The following SHISAL1 variants were observed in gnomAD, a reference collection of about 807,000 sequenced individuals.
The protein encoded by SHISAL1 is shisa like 1.
SHISAL1 carries 9 observed loss-of-function variants against 22.6 expected under a neutral mutation model. That is an observed-to-expected ratio of 0.40 (90% confidence interval 0.24 to 0.70). The LOEUF (loss-of-function observed/expected upper bound fraction) is 0.70. Among genes scored for constraint, SHISAL1 ranks in the 30% least tolerant of loss-of-function variants. The probability of loss-of-function intolerance (pLI) is 0.39; values close to 1 mark genes in which losing one functional copy is unlikely to be tolerated. For missense variants in SHISAL1, 246 were observed against 270.6 expected (o/e 0.91, Z 0.64); for synonymous variants, 119 against 115.4 (o/e 1.03, Z -0.20).
At chr22:44,263,797 G>A (rs1343485193) in intron 4 of SHISAL1, among the ~76,000 whole-genome samples, 6 of 152,204 alleles carry the variant, frequency 3.9e-5, no homozygotes, top group Non-Finnish European at 8.8e-5. Flanking sequence ...GCAGGGCCCC[G>A]TGCTGCTGAT....
At chr22:44,249,875 A>G (rs570386307) in intron 4 of SHISAL1, among the ~76,000 whole-genome samples, 190 bp from the exon 5 acceptor site, 1 of 152,328 alleles carries the variant, frequency 6.6e-6, no homozygotes, top group Admixed American at 6.5e-5. Flanking sequence ...ATAGCTCCAT[A>G]TAGTACTAGA....
At chr22:44,281,274 G>A (rs1468474757) in intron 4 of SHISAL1, among the ~76,000 whole-genome samples, 3 of 152,152 alleles carry the variant, frequency 2.0e-5, no homozygotes, top group African/African-American at 4.8e-5. Context: ...GCCCTGAGTC[G>A]GGCTGAGGTT....
chr22:44,278,005 G>C (rs1424974651), intron 4 of SHISAL1, among the ~76,000 whole-genome samples: 1 of 152,184 alleles, frequency 6.6e-6, no homozygotes, highest in South Asian at 2.1e-4. Context: ...GGTTAATACT[G>C]AGTGTCAACT....
At chr22:44,251,463 A>T (rs988392171) in intron 4 of SHISAL1, among the ~76,000 whole-genome samples, 3 of 152,206 alleles carry the variant, frequency 2.0e-5, no homozygotes, top group Admixed American at 6.5e-5. Context: ...ATTTTTTAAA[A>T]GTTCTGTGGA....
At chr22:44,281,446 G>A (rs1349075612) in intron 4 of SHISAL1, among the ~76,000 whole-genome samples, 1 of 151,982 alleles carries the variant, frequency 6.6e-6, no homozygotes, top group Non-Finnish European at 1.5e-5. Flanking sequence ...ATGTGTGTGT[G>A]TTTGTGTCTG....
In SHISAL1 at chr22:44,298,988, C is replaced by T. The variant is rs1569223408; in HGVS notation, c.67+1891G>A. 2.0e-5 allele frequency among the ~76,000 whole-genome samples: 3 copies of T among 152,336 alleles called. 1 individual carries two copies. In the Middle Eastern group the frequency reaches 0.01, roughly 518 times the overall value. On this transcript the variant is annotated intron_variant, in intron 2 of 4. Coordinates refer to ENST00000381176, the MANE Select transcript of SHISAL1 (RefSeq NM_001099294.2). ...CCTGGCATGAGGCTGCCTGGGCCAT[C>T]GTGACCTCTCTGGCCTCCTCCCCTC...
At chr22:44,305,908 C>T (rs1383206314) in intron 1 of SHISAL1, among the ~76,000 whole-genome samples, 1 of 152,180 alleles carries the variant, frequency 6.6e-6, no homozygotes, top group Non-Finnish European at 1.5e-5. Flanking sequence ...AGGGGCTGCC[C>T]TTACTCCCCA....
the SHISAL1 span, among the ~76,000 whole-genome samples, chr22:44,327,240 G>GCGCACACACACA: frequency 1.4e-5 from 2 of 144,922 alleles, no homozygotes; most frequent in African/African-American, 5.2e-5. Context: ...TGGGGGGCGC[G>GCGCACACACACA]CACACACACA....
At chr22:44,267,899 A>C (rs1245912151) in intron 4 of SHISAL1, among the ~76,000 whole-genome samples, 2 of 152,218 alleles carry the variant, frequency 1.3e-5, no homozygotes, top group African/African-American at 4.8e-5. Context: ...AAGGCTGTGG[A>C]TGCCCAGCTG....
intron 4 of SHISAL1, among the ~76,000 whole-genome samples, chr22:44,274,335 C>T (rs973734451): frequency 6.6e-6 from 1 of 152,106 alleles, no homozygotes; most frequent in African/African-American, 2.4e-5. Context: ...TGCCTCACTG[C>T]ACCAGCCCTT....
intron 4 of SHISAL1, among the ~76,000 whole-genome samples, chr22:44,276,344 A>T (rs1357808975): frequency 6.6e-6 from 1 of 152,092 alleles, no homozygotes; most frequent in Non-Finnish European, 1.5e-5. Context: ...GGACAGAGGG[A>T]CAGTGGGGTG....
At chr22:44,283,029 C>G (rs980381699) in intron 4 of SHISAL1, among the ~76,000 whole-genome samples, 5 of 152,192 alleles carry the variant, frequency 3.3e-5, no homozygotes, top group Non-Finnish European at 7.3e-5. Flanking sequence ...CCTCCCTGAT[C>G]TCCAAATGAA....
chr22:44,324,013 T>G, the SHISAL1 span, among the ~76,000 whole-genome samples: 5 of 152,200 alleles, frequency 3.3e-5, no homozygotes, highest in Admixed American at 3.3e-4. Context: ...GGTGCTGTAA[T>G]TTGTCCAAGG....
At chr22:44,268,818 C>G (rs190673943) in intron 4 of SHISAL1, among the ~76,000 whole-genome samples, 1 of 152,138 alleles carries the variant, frequency 6.6e-6, no homozygotes, top group Non-Finnish European at 1.5e-5. Flanking sequence ...GACTGATCCA[C>G]TCTGTATCCC....
intron 2 of SHISAL1, among the ~76,000 whole-genome samples, chr22:44,299,605 C>A (rs2055411651): frequency 6.6e-6 from 1 of 152,156 alleles, no homozygotes; most frequent in African/African-American, 2.4e-5. Flanking sequence ...CATAGCCTCC[C>A]TCTGAGCTGC....
chr22:44,245,086 CCTCT>C lies in SHISAL1; in HGVS notation c.*4595_*4598del, dbSNP rs946012702. On this transcript the variant is annotated 3_prime_UTR_variant, in exon 5 of 5. Coordinates refer to ENST00000381176, the MANE Select transcript of SHISAL1 (RefSeq NM_001099294.2). ...TGATCAGGGCGTCATCCACTCATGG[CCTCT>C]CTGACTGTCCCAGTGCTGTGGGGGC... is the stretch of plus-strand genomic sequence containing the variant. 5 of 152,382 alleles carry C rather than the reference CCTCT, an allele frequency of 3.3e-5. No homozygotes were observed. Among genetic ancestry groups the C allele is most frequent in the African/African-American group, 7.2e-5 (3 of 41,574 alleles). The allele number at this position is 152,382 out of a possible 1,614,324, so 9.4% of individuals were successfully genotyped here.
At chr22:44,312,273 T>C (rs116569972) in intron 1 of SHISAL1, among the ~76,000 whole-genome samples, 1,834 of 152,298 alleles carry the variant, frequency 0.012, 46 homozygotes, top group African/African-American at 0.041. Flanking sequence ...GACTGCAGAC[T>C]CTGAAGTGGG....
intron 1 of SHISAL1, among the ~76,000 whole-genome samples, chr22:44,304,284 G>GAGC (rs34495361): frequency 9.2e-4 from 1 of 1,086 alleles, no homozygotes; most frequent in Non-Finnish European, 2.1e-3. Context: ...ACTTCGGAGC[G>GAGC]AGATGGGGCA....
intron 2 of SHISAL1, among the ~76,000 whole-genome samples, chr22:44,299,841 TAGACAGAGACAGAG>T (rs1040745869): frequency 2.4e-5 from 3 of 126,114 alleles, no homozygotes; most frequent in East Asian, 4.8e-4. Context: ...CACAGAGAGA[TAGACAGAGACAGAG>T]AGACAGAGAC....
Sources: allele counts gnomAD v4.1 joint callset (sites outside exome capture counted in the v4.1 genomes callset), GRCh38; gene constraint gnomAD v4.1.1; transcripts MANE v1.5; gene names NCBI Gene and HGNC (gene_info 2026-07-23, HGNC 2026-07-21).